Variants in CREBBP observed in about 807,000 individuals in gnomAD.
CREBBP encodes CREB binding lysine acetyltransferase.
In CREBBP, 19 loss-of-function variants were observed where a neutral mutation model predicts 265.0. The ratio of observed to expected loss-of-function variants is 0.07; its 90% confidence interval spans 0.05 to 0.11. CREBBP has a LOEUF of 0.11. Among genes scored for constraint, CREBBP ranks in the 10% least tolerant of loss-of-function variants. The pLI is 1.00. For synonymous variants in CREBBP, 1,457 were observed against 1,223.7 expected, an observed-to-expected ratio of 1.19 and a Z score of -3.98; for missense variants, 2,525 against 3,219.0, an observed-to-expected ratio of 0.78 and a Z score of 5.22.
chr16:3,845,913 T>A (rs11641279), intron 2 of CREBBP, among the ~76,000 whole-genome samples: 1 of 143,572 alleles, frequency 7.0e-6, no homozygotes, highest in Non-Finnish European at 1.5e-5. Flanking sequence ...AAAAAAGTCA[T>A]GTAATAAGGA....
chr16:3,828,195 C>T (rs888754868), intron 2 of CREBBP, among the ~76,000 whole-genome samples: 1 of 151,722 alleles, frequency 6.6e-6, no homozygotes, highest in Non-Finnish European at 1.5e-5. Context: ...TGGGTTCAAG[C>T]TACTCTCCTG....
At chr16:3,799,237 T>C (rs2053666390) in intron 3 of CREBBP, among the ~76,000 whole-genome samples, 1 of 152,202 alleles carries the variant, frequency 6.6e-6, no homozygotes, top group African/African-American at 2.4e-5. Flanking sequence ...TGTTTCAGAA[T>C]TGACTGTGGT....
At chr16:3,798,795 T>A (rs895658577) in intron 3 of CREBBP, among the ~76,000 whole-genome samples, 1 of 152,170 alleles carries the variant, frequency 6.6e-6, no homozygotes, top group Admixed American at 6.5e-5. Context: ...AGGTCAAACA[T>A]AAAATTACCA....
At position 3,736,180 on chromosome 16, in the gene CREBBP, T is replaced by C; in HGVS notation, c.4584A>G (p.Glu1528=). 3 of 1,614,260 alleles carry C rather than the reference T, an allele frequency of 1.9e-6. No homozygotes were observed. The highest frequency in any genetic ancestry group is 2.5e-6 in the Non-Finnish European group (3 of 1,180,038). The change falls in exon 28 of 31, where the codon GAA becomes GAG. Residue 1528 remains glutamate, a synonymous_variant. Transcript: ENST00000262367. The part of the protein sequence containing the change: ...DYKDIFKQAT[E]DRLTSAKELP... ...GTTCCTTGGCACTGGTGAGCCTGTCTTCAGTTGCTTGTTTGAAAATATCCT... is the reference window on the plus strand; with the variant it reads ...GTTCCTTGGCACTGGTGAGCCTGTCCTCAGTTGCTTGTTTGAAAATATCCT...
Position 3,774,828 on chromosome 16 carries a change from T to TA in CREBBP, c.2159-136dup. 3.4e-6 allele frequency: 4 copies of TA among 1,159,536 alleles called. No homozygotes were observed. In the South Asian group the frequency reaches 5.3e-5, roughly 15 times the overall value. The allele number at this position is 1,159,536 out of a possible 1,614,324, so 71.8% of individuals were successfully genotyped here. A position where few individuals can be genotyped will look rare whatever the true frequency, so the allele number is the denominator to read the frequency against. ...GAAAACTGAAAAGAAATCACCCAAT[T>TA]AATCAATGAAGATGATGAAGGAACA... On this transcript the variant is annotated intron_variant, in intron 11 of 30. Transcript: ENST00000262367.
intron 21 of CREBBP, among the ~76,000 whole-genome samples, chr16:3,749,064 G>A (rs763889958): frequency 1.7e-4 from 26 of 152,230 alleles, no homozygotes; most frequent in African/African-American, 3.9e-4. Context: ...GGAGAATGGC[G>A]TGAACCCGGG....
intron 2 of CREBBP, among the ~76,000 whole-genome samples, chr16:3,836,816 G>T (rs575106529): frequency 6.6e-6 from 1 of 152,236 alleles, no homozygotes; most frequent in South Asian, 2.1e-4. Context: ...CATACACAGT[G>T]GTCCCAGAAG....
At chr16:3,873,799 G>A (rs1264379677) in intron 1 of CREBBP, among the ~76,000 whole-genome samples, 4 of 152,090 alleles carry the variant, frequency 2.6e-5, no homozygotes, top group Admixed American at 6.5e-5. Flanking sequence ...TACGGAACTC[G>A]GAAGCAAATA....
At chr16:3,740,677 CG>C in intron 23 of CREBBP, 128 bp from the exon 24 acceptor site, 1 of 1,082,076 alleles carries the variant, frequency 9.2e-7, no homozygotes, top group African/African-American at 1.6e-5. Context: ...TCTCCAAACA[CG>C]GAAGAAATCT....
At chr16:3,742,252 G>C (rs988398550) in intron 23 of CREBBP, 11 of 152,282 alleles carry the variant, frequency 7.2e-5, no homozygotes, top group African/African-American at 2.4e-4. Flanking sequence ...GCTCACTGCG[G>C]TGCACTCTGC....
At position 3,759,146 on chromosome 16, in the gene CREBBP, T is replaced by C. The variant is rs531660333; in HGVS notation, c.3251-174A>G. ...ACTAAAGCTTCTGAAAACACACTAG[T>C]GTCAGAACTGTGTTCAGCTTGTGAG... On this transcript the variant is annotated intron_variant, in intron 16 of 30. Transcript: ENST00000262367. Among the ~76,000 whole-genome samples, 3 of 152,292 alleles carry C rather than the reference T, an allele frequency of 2.0e-5. No individual in the cohort carries two copies. The East Asian group carries it at 5.8e-4, about 29-fold the overall frequency.
chr16:3,793,355 T>A, intron 4 of CREBBP, 31 bp downstream of exon 4: 1 of 1,613,442 alleles, frequency 6.2e-7, no homozygotes, highest in Non-Finnish European at 8.5e-7. Flanking sequence ...TCCTGACCTC[T>A]ACCACTAGGA....
chr16:3,740,572 G>A (rs2052179405), intron 23 of CREBBP, 23 bp from the exon 24 acceptor site: 2 of 1,614,084 alleles, frequency 1.2e-6, no homozygotes, highest in Non-Finnish European at 1.7e-6. Context: ...GAAGGAGCAG[G>A]TGAGAGGGCT....
At chr16:3,876,162 C>T (rs2055395489) in intron 1 of CREBBP, among the ~76,000 whole-genome samples, 2 of 151,930 alleles carry the variant, frequency 1.3e-5, no homozygotes, top group Non-Finnish European at 2.9e-5. Context: ...CCACAGCCTC[C>T]TGAATAGCTG....
In CREBBP at chr16:3,725,823, T is replaced by C. The variant is rs1270208038; in HGVS notation, c.*1895A>G. 6 of 233,126 alleles carry C rather than the reference T, an allele frequency of 2.6e-5. No individual in the cohort carries two copies. The highest frequency in any genetic ancestry group is 1.3e-4 in the African/African-American group (6 of 45,358). 14.4% of individuals were successfully genotyped at this position (233,126 alleles called of 1,614,324 possible). A position where few individuals can be genotyped will look rare whatever the true frequency, so the allele number is the denominator to read the frequency against. ...AACGGAAGCTATTTGGGGCGTGATT[T>C]CTAAAATTACCATCACCCCCACCTA... On this transcript the variant is annotated 3_prime_UTR_variant, in exon 31 of 31. Coordinates refer to ENST00000262367, the MANE Select transcript of CREBBP (RefSeq NM_004380.3).
At chr16:3,859,955 TG>T (rs1449981656) in intron 1 of CREBBP, among the ~76,000 whole-genome samples, 1 of 152,154 alleles carries the variant, frequency 6.6e-6, no homozygotes, top group Non-Finnish European at 1.5e-5. Flanking sequence ...GAGGGGCTTG[TG>T]GGAACCCCAT....
chr16:3,762,899 C>G (rs181607804), intron 16 of CREBBP, among the ~76,000 whole-genome samples: 2,247 of 152,048 alleles, frequency 0.015, 54 homozygotes, highest in African/African-American at 0.051. Context: ...CTCAGCCTCC[C>G]GAGTCGCTGG....
rs763967404 is a variant in CREBBP, at chr16:3,731,273, G to T, written c.5091C>A (p.Thr1697=). The T allele has an allele frequency of 6.2e-7, 1 of 1,614,188 alleles. No homozygotes were observed. The highest frequency in any genetic ancestry group is 1.1e-5 in the South Asian group (1 of 91,084). The part of the protein sequence containing the change: ...STLCMLVELH[T]QGQDRFVYTC... ...TGTAGACAAAGCGGTCCTGGCCCTG[G>T]GTGTGCAGCTCCACCAGCATGCAGA... The change falls in exon 30 of 31, where the codon ACC becomes ACA. Residue 1697 remains threonine, a synonymous_variant. Coordinates refer to ENST00000262367, the MANE Select transcript of CREBBP (RefSeq NM_004380.3). The surrounding 1 kb of genome is among the most constrained non-coding windows in gnomAD (Gnocchi z 7.7).
intron 3 of CREBBP, among the ~76,000 whole-genome samples, chr16:3,803,331 C>A (rs973995874): frequency 7.7e-6 from 1 of 130,442 alleles, no homozygotes; most frequent in African/African-American, 2.9e-5. Context: ...ATGCCGAAAC[C>A]CTGTCTCCAC....
Sources: allele counts gnomAD v4.1 joint callset (sites outside exome capture counted in the v4.1 genomes callset), GRCh38; gene constraint gnomAD v4.1.1; non-coding constraint Gnocchi (gnomAD v3.1); transcripts MANE v1.5; gene names NCBI Gene and HGNC (gene_info 2026-07-23, HGNC 2026-07-21).